DOCK8: variants seen among roughly 807,000 people sequenced by gnomAD.
DOCK8 encodes the protein dedicator of cytokinesis protein 8.
Under a neutral mutation model 245.6 loss-of-function variants are expected in DOCK8, and 141 were observed. The observed-to-expected ratio is 0.57, with a 90% CI of 0.50 to 0.66. The LOEUF (loss-of-function observed/expected upper bound fraction) is 0.66. Ranked by LOEUF, DOCK8 falls within the 30% of genes least tolerant of loss-of-function variation. The probability of loss-of-function intolerance (pLI) is 0.00; values close to 1 mark genes in which losing one functional copy is unlikely to be tolerated. For missense variants in DOCK8, 2,965 were observed against 2,603.4 expected (o/e 1.14, Z -3.02); for synonymous variants, 1,168 against 970.2 (o/e 1.20, Z -3.79).
chr9:277,502 A>G (rs1482897771), intron 2 of DOCK8, among the ~76,000 whole-genome samples: 2 of 143,208 alleles, frequency 1.4e-5, no homozygotes, highest in Non-Finnish European at 3.0e-5. Context: ...ATACAAAAGA[A>G]GAGTAACATA....
At chr9:285,270 A>G (rs1005150934) in intron 2 of DOCK8, among the ~76,000 whole-genome samples, 3 of 152,152 alleles carry the variant, frequency 2.0e-5, no homozygotes, top group African/African-American at 7.2e-5. Context: ...TGCCTCTTCA[A>G]CAGCGCTTTG....
rs573992144 is a variant in DOCK8 at position 261,261 on chromosome 9, A to G, written c.54-10366A>G. Among the ~76,000 whole-genome samples the G allele has an allele frequency of 1.2e-4, 18 of 152,318 alleles. No individual in the cohort carries two copies. In the South Asian group the frequency reaches 2.7e-3, roughly 23 times the overall value. On this transcript the variant is annotated intron_variant, in intron 1 of 47. Coordinates refer to ENST00000432829, the MANE Select transcript of DOCK8 (RefSeq NM_203447.4). The stretch of plus-strand genomic sequence containing the variant: ...TAAAAATAGAATAGCTTATATAACT[A>G]TGTCTAAATATTACATGTAGTTTTC...
At chr9:281,811 C>T (rs574774112) in intron 2 of DOCK8, among the ~76,000 whole-genome samples, 1 of 152,334 alleles carries the variant, frequency 6.6e-6, no homozygotes, top group African/African-American at 2.4e-5. Context: ...TTAGGGTCTC[C>T]ACCCACTTGC....
intron 24 of DOCK8, among the ~76,000 whole-genome samples, chr9:394,290 A>G (rs1346646332): frequency 6.6e-6 from 1 of 152,210 alleles, no homozygotes; most frequent in African/African-American, 2.4e-5. Context: ...GGGTAGGGGC[A>G]AATGGAAACT....
At chr9:308,979 C>G (rs1234065199) in intron 5 of DOCK8, among the ~76,000 whole-genome samples, 1 of 152,184 alleles carries the variant, frequency 6.6e-6, no homozygotes, top group East Asian at 1.9e-4. Flanking sequence ...TTAATGGCTA[C>G]ATAACATTCT....
chr9:406,488 C>CAAAAAAA (rs202229906), intron 27 of DOCK8, among the ~76,000 whole-genome samples: 1 of 95,250 alleles, frequency 1.0e-5, no homozygotes. Flanking sequence ...CTCTGTCTTT[C>CAAAAAAA]AAAAAAAAAA....
chr9:305,241 A>C lies in DOCK8; in HGVS notation c.528+537A>C, dbSNP rs114603331. On this transcript the variant is annotated intron_variant, in intron 5 of 47. Transcript: ENST00000432829. Reference sequence around the variant, plus strand: ...ATAATGCCAAGTACACTTAGTGCCTAGTCAATGCTGGTCACTGTTATTGTT... The same window carrying C: ...ATAATGCCAAGTACACTTAGTGCCTCGTCAATGCTGGTCACTGTTATTGTT... 6.9e-3 allele frequency among the ~76,000 whole-genome samples: 1,043 copies of C among 152,260 alleles called. 16 individuals carry two copies. Among genetic ancestry groups the C allele is most frequent in the African/African-American group, 0.024 (990 of 41,544 alleles).
At chr9:271,991 C>T (rs1022663092) in intron 2 of DOCK8, among the ~76,000 whole-genome samples, 2 of 152,176 alleles carry the variant, frequency 1.3e-5, no homozygotes, top group Non-Finnish European at 2.9e-5. Context: ...GACTCAGTCT[C>T]ATCCAAATTA....
intron 41 of DOCK8, 60 bp downstream of exon 41, chr9:441,477 A>C (rs1302669006): frequency 1.9e-6 from 3 of 1,611,926 alleles, no homozygotes; most frequent in Non-Finnish European, 2.5e-6. Flanking sequence ...CCTGTCCTAC[A>C]GATGCTTAGC....
intron 24 of DOCK8, among the ~76,000 whole-genome samples, chr9:395,975 A>G (rs2054433995): frequency 1.3e-5 from 2 of 152,146 alleles, no homozygotes; most frequent in African/African-American, 4.8e-5. Context: ...CACAGTATAC[A>G]CCAGTTTGTG....
At chr9:212,875 T>C (rs1006589603), upstream of DOCK8, 3 of 152,244 alleles carry the variant, frequency 2.0e-5, no homozygotes, top group Non-Finnish European at 4.4e-5. Flanking sequence ...ATTTTTGTTC[T>C]ATATGAAAAT....
At chr9:376,947 C>T in intron 19 of DOCK8, 30 bp from the exon 20 acceptor site, 1 of 1,593,852 alleles carries the variant, frequency 6.3e-7, no homozygotes, top group Non-Finnish European at 8.6e-7. Context: ...TGGTATAAAA[C>T]CCCATGAGGC....
intron 46 of DOCK8, among the ~76,000 whole-genome samples, chr9:462,614 T>C (rs1198756532): frequency 6.6e-6 from 1 of 152,240 alleles, no homozygotes; most frequent in Non-Finnish European, 1.5e-5. Flanking sequence ...TCCTAAAATC[T>C]TAATGGGCAG....
At chr9:225,021 G>A (rs1403582813) in intron 1 of DOCK8, among the ~76,000 whole-genome samples, 1 of 151,992 alleles carries the variant, frequency 6.6e-6, no homozygotes, top group Non-Finnish European at 1.5e-5. Flanking sequence ...CCTTAGATGG[G>A]GTATCCAATT....
chr9:449,092 T>C (rs998634662), intron 44 of DOCK8, among the ~76,000 whole-genome samples: 2 of 152,232 alleles, frequency 1.3e-5, no homozygotes, highest in African/African-American at 4.8e-5. Flanking sequence ...GGCTCTTGCC[T>C]GTAATCCCAG....
At chr9:289,396 A>C in intron 3 of DOCK8, 114 bp from the exon 4 acceptor site, 1 of 822,452 alleles carries the variant, frequency 1.2e-6, no homozygotes, top group Non-Finnish European at 2.1e-6. Flanking sequence ...GAACATCCTA[A>C]GCATTCTCAC....
At chr9:322,405 A>T (rs1427062751) in intron 7 of DOCK8, among the ~76,000 whole-genome samples, 1 of 140,848 alleles carries the variant, frequency 7.1e-6, no homozygotes, top group Non-Finnish European at 1.6e-5. Context: ...TGGGCTCAAA[A>T]CCTGACCGAA....
chr9:396,806 G>A lies in DOCK8; in HGVS notation c.2992G>A (p.Val998Ile), dbSNP rs751201571. ...ELLVKSMAQH[V>I]HNMDKRDSFR... ...GCAGGTGAAAAGCATGGCCCAGCAC[G>A]TACATAACATGGACAAACGGGACAG... The change falls in exon 25 of 48, where the codon GTA becomes ATA. Residue 998 changes from valine (V) to isoleucine (I), a missense_variant. Coordinates refer to ENST00000432829, the MANE Select transcript of DOCK8 (RefSeq NM_203447.4). 26 of 1,613,938 alleles carry A rather than the reference G, an allele frequency of 1.6e-5. No individual in the cohort carries two copies. Among genetic ancestry groups the A allele is most frequent in the Admixed American group, 3.3e-5 (2 of 59,992 alleles).
chr9:396,002 A>G (rs541174827), intron 24 of DOCK8, among the ~76,000 whole-genome samples: 23 of 152,214 alleles, frequency 1.5e-4, no homozygotes, highest in African/African-American at 5.5e-4. Context: ...GGTGACTTGT[A>G]TTGACACAAA....
Sources: gnomAD v4.1 joint callset for allele counts (sites outside exome capture counted in the v4.1 genomes callset) on GRCh38, gnomAD v4.1.1 for gene constraint, MANE v1.5 for transcripts, NCBI Gene and HGNC (gene_info 2026-07-23, HGNC 2026-07-21) for gene names.